The following KYAT3 variants were observed in gnomAD, a reference collection of about 807,000 sequenced individuals.
KYAT3 encodes kynurenine--oxoglutarate transaminase 3.
Under a neutral mutation model 59.0 loss-of-function variants are expected in KYAT3, and 50 were observed. The ratio of observed to expected loss-of-function variants is 0.85; its 90% confidence interval spans 0.68 to 1.07. KYAT3 has a LOEUF of 1.07. Among genes scored for constraint, KYAT3 ranks in the 50% least tolerant of loss-of-function variants. The pLI is 0.00. For missense variants in KYAT3, 497 were observed against 533.3 expected (o/e 0.93, Z 0.67); for synonymous variants, 148 against 177.0 (o/e 0.84, Z 1.30).
Position 88,953,094 on chromosome 1 carries a change from T to G in KYAT3, c.923A>C (p.Asn308Thr). 6.2e-7 allele frequency: 1 copy of G among 1,613,164 alleles called. No homozygotes were observed. Among genetic ancestry groups the G allele is most frequent in the Non-Finnish European group, 8.5e-7 (1 of 1,179,140 alleles). ...AGGAGTTGCACAAGTATAAATCGTG[T>G]TTTGTTGAACTGTCTGTAAATGTTT... is the stretch of plus-strand genomic sequence containing the variant. ...LIKHLQTVQQ[N>T]TIYTCATPLQ... Residue 308 changes from asparagine to threonine, a missense_variant, in exon 10 of 14, where the codon AAC becomes ACC. Coordinates refer to ENST00000260508, the MANE Select transcript of KYAT3 (RefSeq NM_001008661.3).
chr1:88,947,432 C>T (rs986637412), intron 11 of KYAT3, among the ~76,000 whole-genome samples: 11 of 152,282 alleles, frequency 7.2e-5, no homozygotes, highest in South Asian at 2.1e-4. Context: ...ACCAACACAC[C>T]GGAACCTAAC....
chr1:88,935,758 T>C (rs1236697078), downstream of KYAT3: 2 of 372,552 alleles, frequency 5.4e-6, no homozygotes, highest in Admixed American at 8.8e-5. Flanking sequence ...TTTTACACAA[T>C]GGTGGAAACA....
At chr1:88,991,034 C>A (rs1391864584) in intron 1 of KYAT3, among the ~76,000 whole-genome samples, 1 of 152,182 alleles carries the variant, frequency 6.6e-6, no homozygotes, top group African/African-American at 2.4e-5. Context: ...GGATGATCTA[C>A]GTGATCTAAT....
At chr1:88,951,239 CTTT>C (rs908779781) in intron 10 of KYAT3, among the ~76,000 whole-genome samples, 1 of 144,526 alleles carries the variant, frequency 6.9e-6, no homozygotes, top group Non-Finnish European at 1.5e-5. Flanking sequence ...TCTTTCTTTT[CTTT>C]TTTTTTTTTG....
intron 2 of KYAT3, 35 bp from the exon 3 acceptor site, chr1:88,969,502 A>G: frequency 2.3e-6 from 3 of 1,276,982 alleles, no homozygotes; most frequent in Non-Finnish European, 3.4e-6. Flanking sequence ...GAATTGCCTT[A>G]GTCAAAATTT....
At chr1:88,977,890 T>C (rs1676866812) in intron 2 of KYAT3, among the ~76,000 whole-genome samples, 1 of 152,158 alleles carries the variant, frequency 6.6e-6, no homozygotes, top group Non-Finnish European at 1.5e-5. Context: ...GCCTGTAGTA[T>C]TAAGTACAGT....
At chr1:88,926,422 A>G in the KYAT3 span, among the ~76,000 whole-genome samples, 1 of 151,454 alleles carries the variant, frequency 6.6e-6, no homozygotes. Context: ...CAAGCAATCC[A>G]CCCCCCTCAC....
intron 8 of KYAT3, among the ~76,000 whole-genome samples, chr1:88,957,213 A>G (rs1484397568): frequency 6.6e-6 from 1 of 152,234 alleles, no homozygotes; most frequent in African/African-American, 2.4e-5. Context: ...ACAAAACCCA[A>G]AAAGATAAAT....
intron 4 of KYAT3, 82 bp from the exon 5 acceptor site, chr1:88,965,060 G>T: frequency 9.2e-7 from 1 of 1,088,250 alleles, no homozygotes; most frequent in Non-Finnish European, 1.3e-6. Flanking sequence ...TAAAATGTAA[G>T]AATTTTTAAA....
the KYAT3 span, among the ~76,000 whole-genome samples, chr1:88,924,430 A>G: frequency 6.6e-6 from 1 of 152,014 alleles, no homozygotes; most frequent in Non-Finnish European, 1.5e-5. Flanking sequence ...TGTGTCTGTG[A>G]GCCTTTCCTT....
chr1:88,943,387 T>G lies in KYAT3; in HGVS notation c.1178A>C (p.Tyr393Ser). The change falls in exon 12 of 14, where the codon TAT becomes TCT. Residue 393 changes from tyrosine to serine, a missense_variant. Tyr to Ser is a moderately radical substitution (Grantham distance 144). This residue lies in a region of KYAT3 where 469 missense variants were observed against 479.1 expected (regional missense o/e 0.98). Coordinates refer to ENST00000260508, the MANE Select transcript of KYAT3 (RefSeq NM_001008661.3). The stretch of plus-strand genomic sequence containing the variant: ...CATCCATTTCACAAACTTATAGTCA[T>G]AAGGCTCATTATTCTTCATATCAGA... ...DLSDMKNNEPYDYKFVKWMTK... is the reference protein window; with the variant it reads ...DLSDMKNNEPSDYKFVKWMTK... 1 of 1,586,662 alleles carries G rather than the reference T, an allele frequency of 6.3e-7. No individual in the cohort carries two copies.
downstream of KYAT3, among the ~76,000 whole-genome samples, chr1:88,933,909 C>A (rs986730244): frequency 2.0e-5 from 3 of 152,120 alleles, no homozygotes; most frequent in Non-Finnish European, 4.4e-5. Context: ...TCTACTGCCA[C>A]CCCTAACCTG....
At chr1:88,977,384 T>C (rs1318379292) in intron 2 of KYAT3, among the ~76,000 whole-genome samples, 1 of 152,198 alleles carries the variant, frequency 6.6e-6, no homozygotes, top group Non-Finnish European at 1.5e-5. Context: ...GTATTTTTAA[T>C]AGAGATGGGG....
intron 8 of KYAT3, among the ~76,000 whole-genome samples, chr1:88,959,095 T>C (rs921132676): frequency 2.0e-5 from 3 of 151,770 alleles, no homozygotes; most frequent in African/African-American, 4.8e-5. Flanking sequence ...CCGAGCAACA[T>C]AGTGAGATGC....
At chr1:88,965,663 T>C (rs1676320401) in intron 4 of KYAT3, among the ~76,000 whole-genome samples, 1 of 152,134 alleles carries the variant, frequency 6.6e-6, no homozygotes, top group South Asian at 2.1e-4. Flanking sequence ...CTTCCTTCCT[T>C]TTTTTTCTTC....
intron 2 of KYAT3, among the ~76,000 whole-genome samples, chr1:88,986,596 T>C (rs2101095172): frequency 6.6e-6 from 1 of 152,166 alleles, no homozygotes; most frequent in Middle Eastern, 3.4e-3. Flanking sequence ...CCCGCCTACA[T>C]TTTTCCTTTA....
intron 13 of KYAT3, among the ~76,000 whole-genome samples, chr1:88,942,435 T>C (rs1675271577): frequency 6.6e-6 from 1 of 152,154 alleles, no homozygotes; most frequent in Admixed American, 6.5e-5. Flanking sequence ...TTGCTACAGG[T>C]CATATTTTCT....
chr1:88,942,936 A>C, intron 13 of KYAT3, 69 bp downstream of exon 13: 1 of 1,153,244 alleles, frequency 8.7e-7, no homozygotes, highest in South Asian at 1.4e-5. Context: ...TAGAAACAGA[A>C]GAAAATAGTA....
intron 2 of KYAT3, among the ~76,000 whole-genome samples, chr1:88,975,447 A>G (rs1474296025): frequency 3.9e-5 from 6 of 152,110 alleles, no homozygotes; most frequent in East Asian, 3.9e-4. Flanking sequence ...CACAGCGCCC[A>G]GCCCCACATT....
Sources: allele counts gnomAD v4.1 joint callset (sites outside exome capture counted in the v4.1 genomes callset), GRCh38; gene constraint gnomAD v4.1.1; regional missense constraint gnomAD v4.1.1; transcripts MANE v1.5; gene names NCBI Gene and HGNC (gene_info 2026-07-23, HGNC 2026-07-21).